Variants in ADAMTS7 observed in about 807,000 individuals in gnomAD.
ADAMTS7 encodes the protein ADAM metallopeptidase with thrombospondin type 1 motif 7, also known as A disintegrin and metalloproteinase with thrombospondin motifs 7.
Under a neutral mutation model 172.6 loss-of-function variants are expected in ADAMTS7, and 89 were observed. The ratio of observed to expected loss-of-function variants is 0.52; its 90% CI spans 0.43 to 0.61. The LOEUF (loss-of-function observed/expected upper bound fraction) is 0.61, where lower values mean the gene tolerates loss of function less well. Among genes scored for constraint, ADAMTS7 ranks in the 20% least tolerant of loss-of-function variants. The probability of loss-of-function intolerance (pLI) is 0.00; values close to 1 mark genes in which losing one functional copy is unlikely to be tolerated. For missense variants in ADAMTS7, 1,973 were observed against 2,355.6 expected (o/e 0.84, Z 3.36); for synonymous variants, 885 against 978.4 (o/e 0.90, Z 1.78).
intron 23 of ADAMTS7, 127 bp from the exon 24 acceptor site, chr15:78,759,705 A>G: frequency 8.1e-7 from 1 of 1,234,706 alleles, no homozygotes; most frequent in Non-Finnish European, 1.1e-6. Flanking sequence ...CAGTTTCTGG[A>G]GCGGCTCCCG....
rs143941580 is a variant in ADAMTS7, at chr15:78,765,660, C to T, written c.4251G>A (p.Ala1417=). The change falls in exon 19 of 24, where the codon GCG becomes GCA. Residue 1417 remains alanine (A), a synonymous_variant. Coordinates refer to ENST00000388820, the MANE Select transcript of ADAMTS7 (RefSeq NM_014272.5). ...PLVVRNAGWQ[A]GNWSECSTTC... is the part of the protein sequence containing the mutation. ...CACCACTTGCCTCGCTCCAGTTTCC[C>T]GCTTGCCAGCCGGCGTTCCTGACAA... 42 of 1,609,244 alleles carry T rather than the reference C, an allele frequency of 2.6e-5. No individual in the cohort carries two copies. In the African/African-American group the frequency reaches 3.3e-4, roughly 13 times the overall value.
rs560063749 is a variant in ADAMTS7 at position 78,766,336 on chromosome 15, C to G, written c.3575G>C (p.Ser1192Thr). 1.1e-5 allele frequency: 17 copies of G among 1,610,946 alleles called. No individual in the cohort carries two copies. Among genetic ancestry groups the G allele is most frequent in the Non-Finnish European group, 1.4e-5 (16 of 1,179,958 alleles). The change falls in exon 19 of 24, where the codon AGC (serine) becomes ACC (threonine). Residue 1192 changes from serine (S) to threonine (T), a missense_variant. By Grantham distance (58) the Ser-to-Thr change is moderately conservative. Transcript: ENST00000388820. Reference sequence around the variant, plus strand: ...CTTGCCAACTGGGAAATCATTTTGGCTCTCAGGGGTGGCAGGTGTCTGCAG... The same window carrying G: ...CTTGCCAACTGGGAAATCATTTTGGGTCTCAGGGGTGGCAGGTGTCTGCAG... ...DGLQTPATPE[S>T]QNDFPVGKDS...
chr15:78,788,409 C>T (rs1320762084), intron 7 of ADAMTS7, 35 bp from the exon 8 acceptor site: 1 of 1,605,706 alleles, frequency 6.2e-7, no homozygotes, highest in Non-Finnish European at 8.5e-7. Flanking sequence ...GGCGGGTGAG[C>T]CGGCGGGAGG....
intron 8 of ADAMTS7, among the ~76,000 whole-genome samples, chr15:78,780,535 C>T (rs2055414311): frequency 6.6e-6 from 1 of 151,710 alleles, no homozygotes; most frequent in Non-Finnish European, 1.5e-5. Flanking sequence ...GCCTCCCCTC[C>T]TCCCCACCCA....
chr15:78,765,654 G>A lies in ADAMTS7; in HGVS notation c.4257C>T (p.Asn1419=). The part of the protein sequence containing the change: ...VVRNAGWQAG[N]WSECSTTCGL... ...AGCCCACACCACTTGCCTCGCTCCA[G>A]TTTCCCGCTTGCCAGCCGGCGTTCC... is the stretch of plus-strand genomic sequence containing the variant. The change falls in exon 19 of 24, where the codon AAC becomes AAT. Residue 1419 remains asparagine, a synonymous_variant. Transcript: ENST00000388820. The A allele has an allele frequency of 6.2e-7, 1 of 1,609,060 alleles. No individual in the cohort carries two copies.
At chr15:78,806,152 A>AAAAC (rs2055794328) in intron 1 of ADAMTS7, among the ~76,000 whole-genome samples, 6 of 115,024 alleles carry the variant, frequency 5.2e-5, no homozygotes, top group African/African-American at 3.0e-4. Context: ...AAAAAAAAAA[A>AAAAC]AAACAGAAAA....
chr15:78,759,419 A>T lies in ADAMTS7; in HGVS notation c.*2T>A, dbSNP rs747765047. ...TCGGTCGGTCTGTGCATCCTGGCGC[A>T]GTCAGCGGCGGGCAACCCGCTGATG... On this transcript the variant is annotated 3_prime_UTR_variant, in exon 24 of 24. Transcript: ENST00000388820. 7.9e-5 allele frequency: 126 copies of T among 1,591,962 alleles called. No homozygotes were observed. The highest frequency in any genetic ancestry group is 2.3e-4 in the Middle Eastern group (1 of 4,396).
chr15:78,771,071 G>A lies in ADAMTS7; in HGVS notation c.2518+91C>T, dbSNP rs2055240425. On this transcript the variant is annotated intron_variant, in intron 16 of 23. Coordinates refer to ENST00000388820, the MANE Select transcript of ADAMTS7 (RefSeq NM_014272.5). This position sits in a 1 kb window ranked among gnomAD's most constrained non-coding sequence, Gnocchi z 4.9. ...AGAGAAGCAAACTTCCAAACCCGTG[G>A]TGGCCCAGCAGTGAGCTGGGAGCTG... The A allele has an allele frequency of 1.4e-6, 2 of 1,455,196 alleles. No homozygotes were observed. Among genetic ancestry groups the A allele is most frequent in the Non-Finnish European group, 9.2e-7 (1 of 1,088,944 alleles). The allele number at this position is 1,455,196 out of a possible 1,614,324, so 90.1% of individuals were successfully genotyped here.
chr15:78,785,563 A>AC (rs1491374967), intron 8 of ADAMTS7, among the ~76,000 whole-genome samples: 3 of 148,656 alleles, frequency 2.0e-5, no homozygotes, highest in African/African-American at 7.4e-5. Flanking sequence ...AAAAAAAAAA[A>AC]GAAAAGAAAG....
intron 8 of ADAMTS7, among the ~76,000 whole-genome samples, chr15:78,778,084 G>C (rs1218802527): frequency 2.0e-5 from 3 of 152,232 alleles, no homozygotes; most frequent in African/African-American, 7.2e-5. Flanking sequence ...CCCTGGGAGA[G>C]AGCCCAGGGC....
In ADAMTS7 at chr15:78,797,961, G is replaced by A. The variant is rs370302057; in HGVS notation, c.609C>T (p.Thr203=). Residue 203 remains threonine, a synonymous_variant, in exon 3 of 24, where the codon ACC becomes ACT. Coordinates refer to ENST00000388820, the MANE Select transcript of ADAMTS7 (RefSeq NM_014272.5). ...AQRGDSSAPS[T]CGVQVYPELE... ...AGAAGAGCATACCTTGCACTCCACA[G>A]GTGCTTGGAGCACTGGAATCACCCC... 10 of 1,600,366 alleles carry A rather than the reference G, an allele frequency of 6.2e-6. No homozygotes were observed. In the African/African-American group the frequency reaches 1.1e-4, roughly 17 times the overall value.
chr15:78,766,753 T>C lies in ADAMTS7; in HGVS notation c.3158A>G (p.Asp1053Gly), dbSNP rs533570502. The C allele has an allele frequency of 1.2e-6, 2 of 1,610,576 alleles. No homozygotes were observed. The highest frequency in any genetic ancestry group is 1.3e-5 in the African/African-American group (1 of 74,958). ...GTCCACAAACACGGGCCCCGGCAGG[T>C]CCAGCTCTGGAGCCTCCTCCTCAAT... ...NAIEEEAPEL[D>G]LPGPVFVDDF... The change falls in exon 19 of 24, where the codon GAC becomes GGC. Residue 1053 changes from aspartate (D) to glycine (G), a missense_variant. Physicochemically the swap from Asp to Gly is moderately conservative, Grantham distance 94. Coordinates refer to ENST00000388820, the MANE Select transcript of ADAMTS7 (RefSeq NM_014272.5).
chr15:78,775,982 C>T (rs1380310759), intron 11 of ADAMTS7, among the ~76,000 whole-genome samples: 2 of 152,228 alleles, frequency 1.3e-5, no homozygotes, highest in Non-Finnish European at 2.9e-5. Flanking sequence ...GTGTCCCCCT[C>T]TCTGGAAAGG....
rs1473833762 is a variant in ADAMTS7 at position 78,797,928 on chromosome 15, C to T, written c.622+20G>A. On this transcript the variant is annotated intron_variant, in intron 3 of 23. Transcript: ENST00000388820. ...CCCAGGCCCAGCACCCACCCGAGAA[C>T]TGGGAGCAGAAGAGCATACCTTGCA... 1.9e-6 allele frequency: 3 copies of T among 1,590,166 alleles called. No individual in the cohort carries two copies. The Admixed American group carries it at 5.5e-5, about 29-fold the overall frequency.
At chr15:78,811,079 G>A (rs571310161) in intron 1 of ADAMTS7, 42 bp downstream of exon 1, 3 of 1,228,864 alleles carry the variant, frequency 2.4e-6, no homozygotes, top group South Asian at 4.1e-5. Context: ...GGAGCGGGAA[G>A]GGGTGGCAGG....
At chr15:78,792,162 C>A (rs902836876) in intron 4 of ADAMTS7, among the ~76,000 whole-genome samples, 2 of 152,342 alleles carry the variant, frequency 1.3e-5, no homozygotes, top group African/African-American at 4.8e-5. Context: ...ACTCTCAGAA[C>A]CCAAGGTCAG....
intron 8 of ADAMTS7, among the ~76,000 whole-genome samples, chr15:78,781,596 C>T (rs1482638291): frequency 6.6e-6 from 1 of 152,234 alleles, no homozygotes; most frequent in African/African-American, 2.4e-5. Flanking sequence ...AGCATTCCAG[C>T]AGCTGAATGA....
chr15:78,766,071 G>C lies in ADAMTS7; in HGVS notation c.3840C>G (p.Asp1280Glu), dbSNP rs79617857. The C allele has an allele frequency of 1.9e-6, 3 of 1,592,504 alleles. No homozygotes were observed. Among genetic ancestry groups the C allele is most frequent in the Non-Finnish European group, 2.5e-6 (3 of 1,179,768 alleles). Residue 1280 changes from aspartate (D) to glutamate (E), a missense_variant, in exon 19 of 24, where the codon GAC becomes GAG. Physicochemically the swap from Asp to Glu is conservative, Grantham distance 45 (BLOSUM62 2). This residue lies in a region of ADAMTS7 where 771 missense variants were observed against 952.6 expected (regional missense o/e 0.81). Coordinates refer to ENST00000388820, the MANE Select transcript of ADAMTS7 (RefSeq NM_014272.5). ...CCCCAACAGTGGGCCACAGTTCACT[G>C]TCCACAGGCCCCAGGCCACCCTCCA... Reference protein sequence around the residue: ...PALEGGLGPVDSELWPTVGVA... With the variant: ...PALEGGLGPVESELWPTVGVA...
Position 78,796,663 on chromosome 15 carries a change from A to G in ADAMTS7, c.746T>C (p.Val249Ala), listed in dbSNP as rs1449882753. 1.6e-5 allele frequency: 26 copies of G among 1,614,106 alleles called. No individual in the cohort carries two copies. Among genetic ancestry groups the G allele is most frequent in the Non-Finnish European group, 2.2e-5 (26 of 1,180,014 alleles). Residue 249 changes from valine (V) to alanine (A), a missense_variant, in exon 4 of 24, where the codon GTA becomes GCA. Around this residue, in one of 8 missense-constraint regions of ADAMTS7, gnomAD observed 526 missense variants for 662.9 expected, o/e 0.79. Coordinates refer to ENST00000388820, the MANE Select transcript of ADAMTS7 (RefSeq NM_014272.5). ...GTACTCCACCATTTTGGCATCAGCT[A>G]CTACCAGGGTCTCCACCCACTTCTC... The part of the protein sequence containing the change: ...SKEKWVETLV[V>A]ADAKMVEYHG...
Sources: gnomAD v4.1 joint callset for allele counts (sites outside exome capture counted in the v4.1 genomes callset) on GRCh38, gnomAD v4.1.1 for gene constraint, gnomAD v4.1.1 regional missense constraint, Gnocchi (gnomAD v3.1) non-coding constraint, MANE v1.5 for transcripts, NCBI Gene and HGNC (gene_info 2026-07-23, HGNC 2026-07-21) for gene names.